SYT16: variants seen among roughly 807,000 people sequenced by gnomAD.
SYT16 encodes the protein synaptotagmin-16.
In SYT16, 42 loss-of-function variants were observed where a neutral mutation model predicts 61.4. The ratio of observed to expected loss-of-function variants is 0.68; its 90% CI spans 0.53 to 0.89. The LOEUF (loss-of-function observed/expected upper bound fraction) is 0.89. Among genes scored for constraint, SYT16 ranks in the 40% least tolerant of loss-of-function variants. The pLI, the probability that SYT16 is intolerant of heterozygous loss-of-function variation, is 0.00. For synonymous variants in SYT16, 314 were observed against 302.3 expected (o/e 1.04, Z -0.40); for missense variants, 804 against 807.3 (o/e 1.00, Z 0.05).
At chr14:61,890,885 CTT>C (rs2140337032) in intron 1 of SYT16, among the ~76,000 whole-genome samples, 1 of 152,192 alleles carries the variant, frequency 6.6e-6, no homozygotes, top group Non-Finnish European at 1.5e-5. Context: ...TTTGAAAAGA[CTT>C]TGTTCCCAGA....
Position 62,080,817 on chromosome 14 carries a change from T to G in SYT16, c.994-17T>G. ...ATCATCATTTCCATTTCTAATTGTT[T>G]CCTCTGCCTGCAACAGGAACAGGAC... On this transcript the variant is annotated splice_polypyrimidine_tract_variant and intron_variant, in intron 5 of 7. Transcript: ENST00000683842. 4 of 1,570,604 alleles carry G rather than the reference T, an allele frequency of 2.5e-6. No individual in the cohort carries two copies. Among genetic ancestry groups the G allele is most frequent in the Non-Finnish European group, 3.5e-6 (4 of 1,155,726 alleles).
At chr14:61,886,880 CTTT>C (rs371140698) in intron 1 of SYT16, among the ~76,000 whole-genome samples, 1 of 110,832 alleles carries the variant, frequency 9.0e-6, no homozygotes, top group South Asian at 3.2e-4. Flanking sequence ...TTTTTTTTGT[CTTT>C]TTTTTTTTTT....
At chr14:62,069,514 G>C in intron 3 of SYT16, 89 bp from the exon 4 acceptor site, 1 of 1,306,570 alleles carries the variant, frequency 7.7e-7, no homozygotes, top group Non-Finnish European at 1.1e-6. Flanking sequence ...CATTGTCCAC[G>C]TTCTTCTCTT....
intron 7 of SYT16, among the ~76,000 whole-genome samples, chr14:62,085,582 A>G (rs940431419): frequency 6.6e-6 from 1 of 152,208 alleles, no homozygotes; most frequent in African/African-American, 2.4e-5. Flanking sequence ...CATCTCCTAC[A>G]ACTGAATCTG....
rs149427280 is a variant in SYT16, at chr14:62,088,387, T to C, written c.1624+4002T>C. Among the ~76,000 whole-genome samples, 4 of 152,296 alleles carry C rather than the reference T, an allele frequency of 2.6e-5. No homozygotes were observed. In the East Asian group the frequency reaches 7.7e-4, roughly 29 times the overall value. ...TTCTGCAGTAAGCAAAACTACTCTA[T>C]AGTGGAGAAAAAAAGCAAAGGAGTG... On this transcript the variant is annotated intron_variant, in intron 7 of 7. Transcript: ENST00000683842.
intron 3 of SYT16, among the ~76,000 whole-genome samples, chr14:62,055,797 A>G (rs537777271): frequency 6.6e-6 from 1 of 152,332 alleles, no homozygotes; most frequent in South Asian, 2.1e-4. Context: ...TTTATTAAGG[A>G]GTATAGACTC....
At chr14:62,064,771 G>A (rs1224600924) in intron 3 of SYT16, among the ~76,000 whole-genome samples, 4 of 152,022 alleles carry the variant, frequency 2.6e-5, no homozygotes, top group African/African-American at 9.7e-5. Context: ...TCATAGCCTG[G>A]GGATAATAAT....
At chr14:61,828,943 C>G (rs993221558) in intron 1 of SYT16, among the ~76,000 whole-genome samples, 1 of 152,124 alleles carries the variant, frequency 6.6e-6, no homozygotes, top group African/African-American at 2.4e-5. Context: ...CCAACTGGAC[C>G]AGGAACAAAA....
intron 3 of SYT16, among the ~76,000 whole-genome samples, chr14:62,056,095 A>G (rs918120886): frequency 6.6e-6 from 1 of 152,052 alleles, no homozygotes; most frequent in Admixed American, 6.6e-5. Context: ...AATGTTTATA[A>G]TAAACGTATT....
intron 1 of SYT16, among the ~76,000 whole-genome samples, chr14:61,957,212 T>A (rs1290101402): frequency 6.6e-6 from 1 of 151,738 alleles, no homozygotes; most frequent in Non-Finnish European, 1.5e-5. Flanking sequence ...TTATTTTTTT[T>A]AAGAGTCTTT....
intron 1 of SYT16, among the ~76,000 whole-genome samples, chr14:61,963,135 G>A (rs1311321824): frequency 2.0e-5 from 3 of 152,034 alleles, no homozygotes; most frequent in Non-Finnish European, 4.4e-5. Context: ...CCTATTCCTT[G>A]AGACACAACA....
intron 1 of SYT16, among the ~76,000 whole-genome samples, chr14:61,882,470 G>A (rs1404862880): frequency 1.3e-5 from 2 of 152,152 alleles, no homozygotes; most frequent in African/African-American, 4.8e-5. Context: ...TATGAGAACA[G>A]CATGGGAGAA....
intron 1 of SYT16, among the ~76,000 whole-genome samples, chr14:61,896,492 A>G (rs114219022): frequency 0.011 from 1,604 of 152,284 alleles, 29 homozygotes; most frequent in African/African-American, 0.037. Context: ...TATATTGTCA[A>G]CCATGAAGTT....
chr14:62,044,396 C>G (rs1455883089), intron 3 of SYT16, among the ~76,000 whole-genome samples: 3 of 152,080 alleles, frequency 2.0e-5, no homozygotes, highest in African/African-American at 7.2e-5. Flanking sequence ...AACCCATCAT[C>G]TAGGTTTTAA....
intron 1 of SYT16, among the ~76,000 whole-genome samples, chr14:61,934,361 T>C (rs2049895709): frequency 6.6e-6 from 1 of 152,218 alleles, no homozygotes; most frequent in South Asian, 2.1e-4. Context: ...CTCAAGTTTC[T>C]TTTTTTGTTG....
chr14:61,947,360 A>G (rs1273966538), intron 1 of SYT16, among the ~76,000 whole-genome samples: 2 of 150,370 alleles, frequency 1.3e-5, no homozygotes, highest in Non-Finnish European at 2.9e-5. Context: ...TTCCTTCTAA[A>G]TTAACAGTTT....
Position 62,100,661 on chromosome 14 carries a change from C to T in SYT16, c.1892C>T (p.Thr631Ile), listed in dbSNP as rs1373796718. ...EQDHWEEMKE[T>I]KGQQICRWHT... Reference sequence around the variant, plus strand: ...GATCACTGGGAGGAGATGAAGGAAACCAAAGGCCAGCAGATCTGCAGATGG... The same window carrying T: ...GATCACTGGGAGGAGATGAAGGAAATCAAAGGCCAGCAGATCTGCAGATGG... The change falls in exon 8 of 8, where the codon ACC becomes ATC. Residue 631 changes from threonine (T) to isoleucine (I), a missense_variant. Physicochemically the swap from Thr to Ile is moderately conservative, Grantham distance 89. Coordinates refer to ENST00000683842, the MANE Select transcript of SYT16 (RefSeq NM_001367656.1). The T allele has an allele frequency of 5.0e-6, 8 of 1,613,672 alleles. No individual in the cohort carries two copies. The highest frequency in any genetic ancestry group is 6.8e-6 in the Non-Finnish European group (8 of 1,179,822).
intron 1 of SYT16, among the ~76,000 whole-genome samples, chr14:61,917,176 A>C (rs1251063160): frequency 2.6e-5 from 4 of 152,146 alleles, no homozygotes; most frequent in African/African-American, 9.7e-5. Context: ...AGATTCTCAG[A>C]TGGGTTTGTG....
At chr14:61,897,958 G>A (rs1010191094) in intron 1 of SYT16, among the ~76,000 whole-genome samples, 1 of 152,096 alleles carries the variant, frequency 6.6e-6, no homozygotes, top group East Asian at 1.9e-4. Flanking sequence ...GGTTCTTCCT[G>A]TAGTTACTCA....
Sources: allele counts gnomAD v4.1 joint callset (sites outside exome capture counted in the v4.1 genomes callset), GRCh38; gene constraint gnomAD v4.1.1; transcripts MANE v1.5; gene names NCBI Gene and HGNC (gene_info 2026-07-23, HGNC 2026-07-21).